Variants in CAV1 observed in about 807,000 individuals in gnomAD.
CAV1 encodes the protein caveolin 1, also known as caveolin-1.
In CAV1, 10 loss-of-function variants were observed where a neutral mutation model predicts 16.5. The observed-to-expected ratio is 0.61, with a 90% CI of 0.37 to 1.03. CAV1 has a LOEUF of 1.03. Among genes scored for constraint, CAV1 ranks in the 50% least tolerant of loss-of-function variants. The pLI is 0.01. For synonymous variants in CAV1, 76 were observed against 85.1 expected, an observed-to-expected ratio of 0.89 and a Z score of 0.59; for missense variants, 212 against 232.8, an observed-to-expected ratio of 0.91 and a Z score of 0.58.
At chr7:116,525,268 C>T in intron 1 of CAV1, 176 bp downstream of exon 1, 1 of 1,585,096 alleles carries the variant, frequency 6.3e-7, no homozygotes, top group African/African-American at 1.3e-5. Flanking sequence ...GAAGAGAAGC[C>T]AGGAATGTTT....
chr7:116,535,964 G>T (rs115100448), intron 2 of CAV1, among the ~76,000 whole-genome samples: 1 of 152,092 alleles, frequency 6.6e-6, no homozygotes, highest in South Asian at 2.1e-4. Flanking sequence ...TAAAGGTGAC[G>T]TTTTAAAAAG....
chr7:116,530,895 T>A (rs1793675331), intron 2 of CAV1, among the ~76,000 whole-genome samples: 1 of 152,204 alleles, frequency 6.6e-6, no homozygotes. Flanking sequence ...AAAATGACTC[T>A]GGTGAAGGTA....
Position 116,526,652 on chromosome 7 carries a change from A to G in CAV1, c.158A>G (p.Asn53Ser), listed in dbSNP as rs772162084. 15 of 1,614,188 alleles carry G rather than the reference A, an allele frequency of 9.3e-6. No individual in the cohort carries two copies. The highest frequency in any genetic ancestry group is 1.3e-5 in the African/African-American group (1 of 75,056). Residue 53 changes from asparagine (N) to serine (S), a missense_variant, in exon 2 of 3, where the codon AAC becomes AGC. By Grantham distance (46) the Asn-to-Ser change is conservative. Transcript: ENST00000341049. ...DAHTKEIDLV[N>S]RDPKHLNDDV... Reference sequence around the variant, plus strand: ...CACACCAAGGAGATCGACCTGGTCAACCGCGACCCTAAACACCTCAACGAT... The same window carrying G: ...CACACCAAGGAGATCGACCTGGTCAGCCGCGACCCTAAACACCTCAACGAT...
intron 2 of CAV1, among the ~76,000 whole-genome samples, chr7:116,534,389 A>ATTTT (rs1309115810): frequency 1.9e-3 from 17 of 8,976 alleles, no homozygotes; most frequent in African/African-American, 4.5e-3. Context: ...ATATATATAT[A>ATTTT]TATATATTTT....
At chr7:116,529,828 G>A (rs987549724) in intron 2 of CAV1, among the ~76,000 whole-genome samples, 4 of 152,140 alleles carry the variant, frequency 2.6e-5, no homozygotes, top group African/African-American at 4.8e-5. Flanking sequence ...AGTAGCTTGT[G>A]AATACTTTTT....
chr7:116,525,910 G>A, intron 1 of CAV1: 1 of 907,036 alleles, frequency 1.1e-6, no homozygotes, highest in Non-Finnish European at 1.3e-6. Context: ...AGGGAGAGCC[G>A]TGGAGGGACA....
chr7:116,541,860 G>A (rs1043031160), intron 2 of CAV1, among the ~76,000 whole-genome samples: 5 of 151,794 alleles, frequency 3.3e-5, no homozygotes, highest in Non-Finnish European at 5.9e-5. Context: ...TGTAATAGTC[G>A]TGTGTTAAAT....
chr7:116,536,540 C>G (rs2115990278), intron 2 of CAV1, among the ~76,000 whole-genome samples: 1 of 152,302 alleles, frequency 6.6e-6, no homozygotes, highest in East Asian at 1.9e-4. Context: ...GCAACAGGAG[C>G]AACCAGAGCC....
intron 2 of CAV1, among the ~76,000 whole-genome samples, chr7:116,554,683 C>T (rs909700159): frequency 6.6e-6 from 1 of 152,046 alleles, no homozygotes; most frequent in African/African-American, 2.4e-5. Context: ...CATTCAGAGC[C>T]ATAAAAATGC....
At chr7:116,543,816 G>A (rs182545610) in intron 2 of CAV1, among the ~76,000 whole-genome samples, 126 of 152,180 alleles carry the variant, frequency 8.3e-4, no homozygotes, top group Non-Finnish European at 1.5e-3. Flanking sequence ...CATTTCTATC[G>A]TTTGTTTTGT....
intron 2 of CAV1, among the ~76,000 whole-genome samples, chr7:116,534,395 A>ATATATATATTTTTT (rs1442237865): frequency 1.3e-4 from 1 of 7,842 alleles, no homozygotes; most frequent in African/African-American, 3.3e-4. Flanking sequence ...ATATATATAT[A>ATATATATATTTTTT]TTTTTTTTTT....
At chr7:116,535,662 G>C (rs1793796324) in intron 2 of CAV1, among the ~76,000 whole-genome samples, 1 of 152,164 alleles carries the variant, frequency 6.6e-6, no homozygotes, top group Non-Finnish European at 1.5e-5. Flanking sequence ...GGAATTAGTT[G>C]GTAGAACAGA....
Position 116,560,175 on chromosome 7 carries a change from G to C in CAV1, c.*888G>C, listed in dbSNP as rs527278612. On this transcript the variant is annotated 3_prime_UTR_variant, in exon 3 of 3. Coordinates refer to ENST00000341049, the MANE Select transcript of CAV1 (RefSeq NM_001753.5). ...CTAGCCCAATGAAATGAATTAAAGTGGACCAATAGGGCTGAGCTCTCTGTG... is the reference window on the plus strand; with the variant it reads ...CTAGCCCAATGAAATGAATTAAAGTCGACCAATAGGGCTGAGCTCTCTGTG... 2.5e-4 allele frequency: 55 copies of C among 223,800 alleles called. No homozygotes were observed. The highest frequency in any genetic ancestry group is 1.2e-3 in the African/African-American group (53 of 44,420). The allele number at this position is 223,800 out of a possible 1,614,324, so 13.9% of individuals were successfully genotyped here.
At position 116,559,004 on chromosome 7, in the gene CAV1, G is replaced by A; in HGVS notation, c.254G>A (p.Trp85Ter). The change falls in exon 3 of 3, where the codon TGG (tryptophan) becomes TAG (stop). Residue 85 changes from tryptophan (W) to a stop codon, truncating the protein, a stop_gained. Coordinates refer to ENST00000341049, the MANE Select transcript of CAV1 (RefSeq NM_001753.5). LOFTEE classifies it high-confidence loss of function. ...GGGACACACAGTTTTGACGGCATTTGGAAGGCCAGCTTCACCACCTTCACT... is the reference window on the plus strand; with the variant it reads ...GGGACACACAGTTTTGACGGCATTTAGAAGGCCAGCTTCACCACCTTCACT... Reference protein sequence around the residue: ...PEGTHSFDGIWKASFTTFTVT... With the variant: ...PEGTHSFDGI 6.2e-7 allele frequency: 1 copy of A among 1,613,804 alleles called. No individual in the cohort carries two copies.
intron 2 of CAV1, among the ~76,000 whole-genome samples, chr7:116,529,550 C>T (rs538622163): frequency 2.0e-5 from 3 of 152,148 alleles, no homozygotes; most frequent in African/African-American, 7.2e-5. Context: ...TAAAAGCATC[C>T]CCTTGCCAAG....
In CAV1 at chr7:116,559,262, G is replaced by A. The variant is rs772468332; in HGVS notation, c.512G>A (p.Arg171His). ...GTTGGGAAAATATTCAGCAATGTCC[G>A]CATCAACTTGCAGAAAGAAATATAA... Reference protein sequence around the residue: ...EAVGKIFSNVRINLQKEI With the variant: ...EAVGKIFSNVHINLQKEI The change falls in exon 3 of 3, where the codon CGC (arginine) becomes CAC (histidine). Residue 171 changes from arginine to histidine, a missense_variant. Physicochemically the swap from Arg to His is conservative, Grantham distance 29 (BLOSUM62 0). Coordinates refer to ENST00000341049, the MANE Select transcript of CAV1 (RefSeq NM_001753.5). The A allele has an allele frequency of 9.6e-5, 155 of 1,612,096 alleles. No individual in the cohort carries two copies. The highest frequency in any genetic ancestry group is 1.6e-4 in the Middle Eastern group (1 of 6,080).
At position 116,559,498 on chromosome 7, in the gene CAV1, A is replaced by T; in HGVS notation, c.*211A>T. 1 of 603,226 alleles carries T rather than the reference A, an allele frequency of 1.7e-6. No homozygotes were observed. 37.4% of individuals were successfully genotyped at this position (603,226 alleles called of 1,614,324 possible). A position where few individuals can be genotyped will look rare whatever the true frequency, so the allele number is the denominator to read the frequency against. The stretch of plus-strand genomic sequence containing the variant: ...TTGGCAGTCTGAATTTTTAAAACCC[A>T]TTTAAATTTTTTTCCTTACCTTTTT... On this transcript the variant is annotated 3_prime_UTR_variant, in exon 3 of 3. Transcript: ENST00000341049.
At chr7:116,554,930 T>C (rs1249479297) in intron 2 of CAV1, among the ~76,000 whole-genome samples, 2 of 152,226 alleles carry the variant, frequency 1.3e-5, no homozygotes, top group Non-Finnish European at 2.9e-5. Flanking sequence ...TGACAAGTTC[T>C]AGTTTTGTCA....
At chr7:116,538,892 A>G (rs1334074599) in intron 2 of CAV1, among the ~76,000 whole-genome samples, 1 of 152,234 alleles carries the variant, frequency 6.6e-6, no homozygotes, top group African/African-American at 2.4e-5. Flanking sequence ...AACCCCTTAT[A>G]AAAGCATCAG....
Sources: allele counts gnomAD v4.1 joint callset (sites outside exome capture counted in the v4.1 genomes callset), GRCh38; gene constraint gnomAD v4.1.1; transcripts MANE v1.5; gene names NCBI Gene and HGNC (gene_info 2026-07-23, HGNC 2026-07-21).